Variants in TENM1 observed in about 807,000 individuals in gnomAD.
TENM1 encodes the protein teneurin-1.
Under a neutral mutation model 174.8 loss-of-function variants are expected in TENM1, and 35 were observed. The observed-to-expected ratio is 0.20, with a 90% CI of 0.15 to 0.27. TENM1 has a LOEUF of 0.27. Among genes scored for constraint, TENM1 ranks in the 10% least tolerant of loss-of-function variants. The probability of loss-of-function intolerance (pLI) is 1.00; values close to 1 mark genes in which losing one functional copy is unlikely to be tolerated. For missense variants in TENM1, 1,633 were observed against 2,130.1 expected (o/e 0.77, Z 4.59); for synonymous variants, 781 against 798.7 (o/e 0.98, Z 0.37).
chrX:124,695,118 T>C (rs2052618182), intron 5 of TENM1, among the ~76,000 whole-genome samples: 1 of 111,343 alleles, frequency 9.0e-6, no homozygotes, highest in Non-Finnish European at 1.9e-5. Context: ...GATATCTACA[T>C]AGAAGGAAGG....
intron 28 of TENM1, among the ~76,000 whole-genome samples, chrX:124,391,452 T>C (rs1569528828): frequency 9.0e-6 from 1 of 111,209 alleles, no homozygotes; most frequent in East Asian, 2.8e-4. Context: ...ATGGTTCCTG[T>C]AGTGGGATTA....
At chrX:124,443,082 G>A (rs1603268607) in intron 23 of TENM1, among the ~76,000 whole-genome samples, 1 of 83,485 alleles carries the variant, frequency 1.2e-5, no homozygotes, top group Middle Eastern at 5.7e-3. Flanking sequence ...GTGTGTGTGT[G>A]TGTGTGTGTG....
rs1453091813 is a variant in TENM1, at chrX:124,753,351, T to A, written c.536-16154A>T. Among the ~76,000 whole-genome samples, 142 of 106,688 alleles carry A rather than the reference T, an allele frequency of 1.3e-3. 1 individual carries two copies. The highest frequency in any genetic ancestry group is 4.5e-3 in the African/African-American group (131 of 29,280). 92.6% of individuals were successfully genotyped at this position (106,688 alleles called of 115,157 possible). A position where few individuals can be genotyped will look rare whatever the true frequency, so the allele number is the denominator to read the frequency against. On this transcript the variant is annotated intron_variant, in intron 3 of 31. Coordinates refer to ENST00000422452, the Ensembl canonical transcript of TENM1. Reference sequence around the variant, plus strand: ...GTACATTGATTTTGTATCCTGAGACTTTGCTGAAGTTGCTTATCAGCTTAA... The same window carrying A: ...GTACATTGATTTTGTATCCTGAGACATTGCTGAAGTTGCTTATCAGCTTAA...
intron 3 of TENM1, among the ~76,000 whole-genome samples, chrX:124,751,476 A>C (rs563682948): frequency 9.0e-6 from 1 of 111,056 alleles, no homozygotes; most frequent in South Asian, 3.8e-4. Context: ...TCAGTATAAT[A>C]GTTCTTTTTT....
At chrX:124,696,150 C>T (rs1484163659) in intron 5 of TENM1, among the ~76,000 whole-genome samples, 3 of 111,793 alleles carry the variant, frequency 2.7e-5, no homozygotes, top group African/African-American at 9.7e-5. Context: ...AATATTGGAG[C>T]ATGTGCTATT....
At chrX:125,052,779 G>A in the TENM1 span, among the ~76,000 whole-genome samples, 1 of 112,469 alleles carries the variant, frequency 8.9e-6, no homozygotes, top group Non-Finnish European at 1.9e-5. Flanking sequence ...GTTTTTAAGA[G>A]AAGGACAAAT....
chrX:124,893,291 A>T (rs1487203579), intron 3 of TENM1, among the ~76,000 whole-genome samples: 1 of 112,684 alleles, frequency 8.9e-6, no homozygotes. Flanking sequence ...CATGATCCAA[A>T]GGAGAAAGCA....
intron 18 of TENM1, among the ~76,000 whole-genome samples, chrX:124,515,210 G>C (rs2047675357): frequency 9.0e-6 from 1 of 111,286 alleles, no homozygotes; most frequent in Non-Finnish European, 1.9e-5. Flanking sequence ...AAAATAATAA[G>C]AGCCATCTAT....
intron 20 of TENM1, among the ~76,000 whole-genome samples, chrX:124,490,448 C>T (rs931729317): frequency 3.6e-5 from 4 of 112,042 alleles, no homozygotes; most frequent in African/African-American, 1.3e-4. Flanking sequence ...ACAAGTTCTC[C>T]TGCCTCTCAG....
intron 3 of TENM1, among the ~76,000 whole-genome samples, chrX:124,848,158 CT>C (rs1359735904): frequency 9.0e-6 from 1 of 110,849 alleles, no homozygotes; most frequent in Admixed American, 9.6e-5. Flanking sequence ...TTCTCATTCT[CT>C]CTTTCTTCCT....
At chrX:124,467,321 T>C in intron 22 of TENM1, among the ~76,000 whole-genome samples, 1 of 111,984 alleles carries the variant, frequency 8.9e-6, no homozygotes, top group Middle Eastern at 4.6e-3. Flanking sequence ...CTGTGATTCC[T>C]CAGGGGGAAA....
Position 124,858,760 on chromosome X carries a change from T to C in TENM1, c.535+35536A>G, listed in dbSNP as rs999793784. Among the ~76,000 whole-genome samples, 5 of 111,531 alleles carry C rather than the reference T, an allele frequency of 4.5e-5. No homozygotes were observed. The South Asian group carries it at 1.9e-3, about 42-fold the overall frequency. On this transcript the variant is annotated intron_variant, in intron 3 of 31. Transcript: ENST00000422452. ...CTCACAAAATGGTAATGATATTTCA[T>C]ACGATATCTGAAGCAAAGCAAATTC...
chrX:125,129,618 A>G, the TENM1 span, among the ~76,000 whole-genome samples: 3 of 107,700 alleles, frequency 2.8e-5, no homozygotes, highest in East Asian at 8.7e-4. Context: ...CCCAGCCTCT[A>G]GTAACCATCC....
At chrX:124,953,381 C>T (rs1260966714) in intron 1 of TENM1, among the ~76,000 whole-genome samples, 1 of 111,655 alleles carries the variant, frequency 9.0e-6, no homozygotes, top group Non-Finnish European at 1.9e-5. Flanking sequence ...TTAGGTTTAG[C>T]AACTGATTCC....
At chrX:125,150,034 A>G in the TENM1 span, among the ~76,000 whole-genome samples, 1 of 111,483 alleles carries the variant, frequency 9.0e-6, no homozygotes, top group Non-Finnish European at 1.9e-5. Context: ...TTGAAGGATA[A>G]GAGAATTAAT....
intron 11 of TENM1, among the ~76,000 whole-genome samples, chrX:124,607,642 A>G (rs1456835652): frequency 1.8e-5 from 2 of 111,068 alleles, no homozygotes; most frequent in Admixed American, 9.6e-5. Context: ...CCTGTAGATT[A>G]TAGTGAGGAA....
chrX:124,726,475 G>A (rs147213913), intron 4 of TENM1, among the ~76,000 whole-genome samples: 1,861 of 112,425 alleles, frequency 0.017, 21 homozygotes, highest in Non-Finnish European at 0.026. Context: ...ATCATGTGGT[G>A]TAGGCTGAAA....
chrX:124,739,210 A>G (rs1158710269), intron 3 of TENM1, among the ~76,000 whole-genome samples: 1 of 111,904 alleles, frequency 8.9e-6, no homozygotes, highest in Non-Finnish European at 1.9e-5. Flanking sequence ...AAATAAGGAT[A>G]ATAATAATCC....
chrX:125,185,104 C>T, the TENM1 span, among the ~76,000 whole-genome samples: 1 of 111,550 alleles, frequency 9.0e-6, no homozygotes, highest in South Asian at 3.8e-4. Flanking sequence ...GAGGGTAGAA[C>T]GGAAGGGTAA....
Sources: gnomAD v4.1 joint callset for allele counts (sites outside exome capture counted in the v4.1 genomes callset) on GRCh38, gnomAD v4.1.1 for gene constraint, MANE v1.5 for transcripts, NCBI Gene and HGNC (gene_info 2026-07-23, HGNC 2026-07-21) for gene names.